Variants in EGFLAM observed in about 807,000 individuals in gnomAD.
EGFLAM encodes pikachurin.
EGFLAM carries 79 observed loss-of-function variants against 113.1 expected under a neutral mutation model. The observed-to-expected ratio is 0.70, with a 90% confidence interval of 0.58 to 0.84. EGFLAM has a LOEUF of 0.84. EGFLAM is among the 40% of genes least tolerant of loss of function. EGFLAM has a pLI of 0.00. For synonymous variants in EGFLAM, 504 were observed against 487.6 expected, an observed-to-expected ratio of 1.03 and a Z score of -0.44; for missense variants, 1,265 against 1,291.6, an observed-to-expected ratio of 0.98 and a Z score of 0.32.
chr5:38,367,502 C>T (rs1049958435), intron 5 of EGFLAM, among the ~76,000 whole-genome samples: 2 of 151,946 alleles, frequency 1.3e-5, no homozygotes, highest in Admixed American at 1.3e-4. Flanking sequence ...CCTCCCACCT[C>T]GGCCTTCCAA....
chr5:38,352,050 A>G (rs1208687173), intron 4 of EGFLAM, 146 bp from the exon 5 acceptor site: 5 of 1,079,164 alleles, frequency 4.6e-6, no homozygotes, highest in Non-Finnish European at 6.6e-6. Flanking sequence ...TTCTGAACAG[A>G]GATATTTTGG....
chr5:38,451,822 C>G (rs1230384507), intron 19 of EGFLAM, among the ~76,000 whole-genome samples: 1 of 151,934 alleles, frequency 6.6e-6, no homozygotes, highest in Non-Finnish European at 1.5e-5. Flanking sequence ...GAAACCCCAT[C>G]TCTACTAAAA....
chr5:38,374,251 CAG>C (rs1415279074), intron 6 of EGFLAM, among the ~76,000 whole-genome samples: 1 of 152,096 alleles, frequency 6.6e-6, no homozygotes, highest in East Asian at 1.9e-4. Context: ...TTTATCAAGA[CAG>C]GGGAATTGCA....
intron 5 of EGFLAM, among the ~76,000 whole-genome samples, chr5:38,352,785 G>A (rs973962421): frequency 6.6e-6 from 1 of 152,078 alleles, no homozygotes; most frequent in Admixed American, 6.6e-5. Context: ...TATATACTTA[G>A]GCCAGTAATG....
intron 20 of EGFLAM, among the ~76,000 whole-genome samples, chr5:38,459,022 C>G (rs527951164): frequency 5.9e-4 from 90 of 151,974 alleles, no homozygotes; most frequent in African/African-American, 2.1e-3. Flanking sequence ...ATCCTCCCCC[C>G]TCCCTCTGGC....
At chr5:38,288,740 GT>G (rs1758232544) in intron 1 of EGFLAM, among the ~76,000 whole-genome samples, 1 of 152,132 alleles carries the variant, frequency 6.6e-6, no homozygotes, top group Admixed American at 6.5e-5. Context: ...ACAAATATTT[GT>G]TTTTTCTTTA....
chr5:38,310,622 GA>G (rs879790371), intron 1 of EGFLAM, among the ~76,000 whole-genome samples: 84 of 147,748 alleles, frequency 5.7e-4, no homozygotes, highest in Middle Eastern at 3.4e-3. Context: ...CTCCCAAAAA[GA>G]AAAAAAAAAT....
rs559117600 is a variant in EGFLAM, at chr5:38,277,942, A to G, written c.97+19091A>G. 7.9e-4 allele frequency among the ~76,000 whole-genome samples: 120 copies of G among 152,312 alleles called. 1 individual carries two copies. The South Asian group carries it at 0.024, about 30-fold the overall frequency. ...ATATGCACAGATTAGAAGAAAGAAT[A>G]TTGTTAAAATGTCCATAATACCCAA... On this transcript the variant is annotated intron_variant, in intron 1 of 21. Transcript: ENST00000322350.
intron 7 of EGFLAM, 68 bp from the exon 8 acceptor site, chr5:38,406,760 T>G: frequency 6.8e-7 from 1 of 1,470,586 alleles, no homozygotes; most frequent in Non-Finnish European, 9.3e-7. Flanking sequence ...AGGCAACAAC[T>G]ATAAATAAAA....
At position 38,406,151 on chromosome 5, in the gene EGFLAM, C is replaced by T. The variant is rs1439088897; in HGVS notation, c.738C>T (p.Arg246=). The stretch of plus-strand genomic sequence containing the variant: ...GCCCTGAGGAGGCGGGAAGTGGCCG[C>T]TATGGACCCCGTTATATCACCGACA... The part of the protein sequence containing the change: ...TLCPEEAGSG[R]YGPRYITDMG... Residue 246 remains arginine (R), a synonymous_variant, in exon 7 of 22, where the codon CGC becomes CGT. Coordinates refer to ENST00000322350, the MANE Select transcript of EGFLAM (RefSeq NM_152403.4). 2 of 1,614,010 alleles carry T rather than the reference C, an allele frequency of 1.2e-6. No homozygotes were observed. Among genetic ancestry groups the T allele is most frequent in the African/African-American group, 1.3e-5 (1 of 74,908 alleles).
intron 1 of EGFLAM, among the ~76,000 whole-genome samples, chr5:38,303,395 G>A (rs1289912271): frequency 6.6e-6 from 1 of 152,208 alleles, no homozygotes; most frequent in Non-Finnish European, 1.5e-5. Flanking sequence ...AAAGATGCTT[G>A]GGGATGGAGT....
At chr5:38,328,924 A>G (rs1738963548) in intron 1 of EGFLAM, among the ~76,000 whole-genome samples, 1 of 152,078 alleles carries the variant, frequency 6.6e-6, no homozygotes, top group African/African-American at 2.4e-5. Flanking sequence ...TTTATGATGT[A>G]GATTCCATTA....
chr5:38,347,879 T>C (rs1178415029), intron 3 of EGFLAM, among the ~76,000 whole-genome samples: 1 of 152,060 alleles, frequency 6.6e-6, no homozygotes, highest in Admixed American at 6.6e-5. Context: ...GAGCCCATTG[T>C]CATATTTATG....
chr5:38,331,876 G>T (rs1739051718), intron 1 of EGFLAM, among the ~76,000 whole-genome samples: 1 of 152,170 alleles, frequency 6.6e-6, no homozygotes, highest in South Asian at 2.1e-4. Context: ...TATGAATAAA[G>T]CTGCTGTATA....
intron 6 of EGFLAM, among the ~76,000 whole-genome samples, chr5:38,381,884 A>G (rs1389549961): frequency 6.6e-6 from 1 of 152,126 alleles, no homozygotes; most frequent in Non-Finnish European, 1.5e-5. Context: ...AGGATCTGCC[A>G]CTTGATTCCT....
intron 1 of EGFLAM, among the ~76,000 whole-genome samples, chr5:38,259,089 A>T (rs923996991): frequency 6.6e-6 from 1 of 152,244 alleles, no homozygotes. Flanking sequence ...TAGTAGATAG[A>T]GGTGGTGGTC....
rs141316852 is a variant in EGFLAM at position 38,348,880 on chromosome 5, C to T, written c.292-1621C>T. 2.6e-3 allele frequency among the ~76,000 whole-genome samples: 399 copies of T among 152,224 alleles called. 2 individuals are homozygous for T. Among genetic ancestry groups the T allele is most frequent in the Non-Finnish European group, 4.1e-3 (276 of 67,998 alleles). ...AGCCAAGCTCTGGAACAGCAGTTCA[C>T]AAACCTGGCTGCACATTAGAATCAC... On this transcript the variant is annotated intron_variant, in intron 3 of 21. Transcript: ENST00000322350.
intron 17 of EGFLAM, among the ~76,000 whole-genome samples, chr5:38,444,616 A>G (rs1742648479): frequency 6.6e-6 from 1 of 152,208 alleles, no homozygotes; most frequent in Non-Finnish European, 1.5e-5. Flanking sequence ...CAATAAAATA[A>G]AAGCAAAAAA....
chr5:38,418,108 G>A lies in EGFLAM; in HGVS notation c.1537G>A (p.Gly513Ser). 1 of 1,614,136 alleles carries A rather than the reference G, an allele frequency of 6.2e-7. No individual in the cohort carries two copies. Among genetic ancestry groups the A allele is most frequent in the Non-Finnish European group, 8.5e-7 (1 of 1,180,006 alleles). ...KITFRTPLYL[G>S]GAPSAYWLVR... ...TACTTTCCGGACACCTCTCTATCTT[G>A]GTGGCGCTCCCAGCGCTTACTGGTT... Residue 513 changes from glycine to serine, a missense_variant, in exon 12 of 22, where the codon GGT (glycine) becomes AGT (serine). Physicochemically the swap from Gly to Ser is moderately conservative, Grantham distance 56. Coordinates refer to ENST00000322350, the MANE Select transcript of EGFLAM (RefSeq NM_152403.4).
Sources: gnomAD v4.1 joint callset for allele counts (sites outside exome capture counted in the v4.1 genomes callset) on GRCh38, gnomAD v4.1.1 for gene constraint, MANE v1.5 for transcripts, NCBI Gene and HGNC (gene_info 2026-07-23, HGNC 2026-07-21) for gene names.